The following GRIN2A variants were observed in gnomAD, a reference collection of about 807,000 sequenced individuals.
GRIN2A encodes the protein glutamate ionotropic receptor NMDA type subunit 2A.
GRIN2A carries 22 observed loss-of-function variants against 113.4 expected under a neutral mutation model. That is an observed-to-expected ratio of 0.19 (90% CI 0.14 to 0.28). GRIN2A has a LOEUF of 0.28. GRIN2A is among the 10% of genes least tolerant of loss of function. The pLI is 1.00. For synonymous variants in GRIN2A, 827 were observed against 738.4 expected (o/e 1.12, Z -1.94); for missense variants, 1,502 against 1,887.0 (o/e 0.80, Z 3.78).
chr16:10,118,891 T>A (rs2048778125), intron 2 of GRIN2A, among the ~76,000 whole-genome samples: 1 of 152,204 alleles, frequency 6.6e-6, no homozygotes, highest in South Asian at 2.1e-4. Flanking sequence ...AAGATCAGCA[T>A]AAACAAAGTC....
intron 2 of GRIN2A, among the ~76,000 whole-genome samples, chr16:9,997,680 T>A (rs1053844618): frequency 6.6e-6 from 1 of 152,196 alleles, no homozygotes; most frequent in Non-Finnish European, 1.5e-5. Context: ...AATTTCATCT[T>A]GAATCATAGC....
At chr16:9,922,717 G>A (rs977474917) in intron 3 of GRIN2A, among the ~76,000 whole-genome samples, 2 of 152,152 alleles carry the variant, frequency 1.3e-5, no homozygotes, top group African/African-American at 4.8e-5. Flanking sequence ...GACAACTTGA[G>A]TAAAGAGTCG....
intron 2 of GRIN2A, among the ~76,000 whole-genome samples, chr16:10,175,816 G>A (rs1197705754): frequency 6.6e-6 from 1 of 152,064 alleles, no homozygotes; most frequent in Non-Finnish European, 1.5e-5. Flanking sequence ...TGGGGGGTGA[G>A]AGGGTTAAGG....
At chr16:9,986,275 A>G (rs987104976) in intron 2 of GRIN2A, among the ~76,000 whole-genome samples, 1 of 152,214 alleles carries the variant, frequency 6.6e-6, no homozygotes, top group African/African-American at 2.4e-5. Flanking sequence ...AACTGAAATT[A>G]TGACGTTAGG....
At chr16:9,965,982 A>C (rs1159010049) in intron 2 of GRIN2A, among the ~76,000 whole-genome samples, 1 of 152,216 alleles carries the variant, frequency 6.6e-6, no homozygotes, top group Non-Finnish European at 1.5e-5. Flanking sequence ...TAGCTTATCA[A>C]AATAATCTTG....
intron 2 of GRIN2A, among the ~76,000 whole-genome samples, chr16:10,007,740 G>A (rs1342926228): frequency 6.6e-6 from 1 of 152,102 alleles, no homozygotes; most frequent in Non-Finnish European, 1.5e-5. Flanking sequence ...AAAAGCAAAT[G>A]GCCTTTGACA....
At chr16:10,181,187 GCACACACACGTGCACACACACACGCA>G (rs2050263821) in intron 1 of GRIN2A, among the ~76,000 whole-genome samples, 1 of 2,670 alleles carries the variant, frequency 3.7e-4, no homozygotes, top group Admixed American at 3.9e-3. Flanking sequence ...ACGCGCGCGT[GCACACACACGTGCACACACACACGCA>G]CACACACATG....
chr16:9,900,831 G>A (rs7201676), intron 3 of GRIN2A, among the ~76,000 whole-genome samples: 2 of 152,092 alleles, frequency 1.3e-5, no homozygotes, highest in Non-Finnish European at 2.9e-5. Context: ...GCTGGCACAA[G>A]AGCCAGTGGA....
chr16:9,826,805 A>C (rs1248853821), intron 9 of GRIN2A, among the ~76,000 whole-genome samples: 1 of 152,186 alleles, frequency 6.6e-6, no homozygotes, highest in African/African-American at 2.4e-5. Flanking sequence ...AAGTCAGTGA[A>C]GGTCAGTCAA....
chr16:9,870,560 G>C (rs540921036), intron 4 of GRIN2A, among the ~76,000 whole-genome samples: 53 of 151,838 alleles, frequency 3.5e-4, no homozygotes, highest in African/African-American at 1.3e-3. Flanking sequence ...GAGTCACATA[G>C]ATGTGAAAGA....
At chr16:9,886,188 A>G (rs1347764201) in intron 4 of GRIN2A, among the ~76,000 whole-genome samples, 1 of 152,240 alleles carries the variant, frequency 6.6e-6, no homozygotes, top group African/African-American at 2.4e-5. Context: ...GTGTAACATC[A>G]AAAGGTTGAA....
rs566393373 is a variant in GRIN2A, at chr16:10,068,349, C to G, written c.414+111649G>C. Among the ~76,000 whole-genome samples the G allele has an allele frequency of 3.9e-5, 6 of 152,306 alleles. No individual in the cohort carries two copies. The East Asian group carries it at 9.6e-4, about 24-fold the overall frequency. ...TTGGCTCACAGTTCTGCAGGCTTTA[C>G]AGGAAACATGGTACTGGCATCTGCC... is the stretch of plus-strand genomic sequence containing the variant. On this transcript the variant is annotated intron_variant, in intron 2 of 12. Coordinates refer to ENST00000330684, the MANE Select transcript of GRIN2A (RefSeq NM_001134407.3).
At chr16:10,128,458 C>A (rs948626394) in intron 2 of GRIN2A, among the ~76,000 whole-genome samples, 1 of 152,166 alleles carries the variant, frequency 6.6e-6, no homozygotes, top group East Asian at 1.9e-4. Flanking sequence ...GAAGTGTGAA[C>A]TGTAAAGAAG....
chr16:9,942,586 C>T (rs1178842671), intron 2 of GRIN2A, among the ~76,000 whole-genome samples: 1 of 152,172 alleles, frequency 6.6e-6, no homozygotes, highest in African/African-American at 2.4e-5. Context: ...ACAGACCACA[C>T]AGACATCGTC....
intron 5 of GRIN2A, among the ~76,000 whole-genome samples, chr16:9,845,412 T>G (rs2042754537): frequency 6.6e-6 from 1 of 152,184 alleles, no homozygotes; most frequent in African/African-American, 2.4e-5. Flanking sequence ...CTCAGTTGAT[T>G]GCCCTATTGA....
intron 2 of GRIN2A, among the ~76,000 whole-genome samples, chr16:10,033,216 G>A (rs916018207): frequency 7.9e-5 from 12 of 152,204 alleles, no homozygotes; most frequent in African/African-American, 2.7e-4. Flanking sequence ...AGTGAGCAGA[G>A]GTTACAGAGT....
rs569626528 is a variant in GRIN2A, at chr16:9,945,765, G to A, written c.415-7214C>T. ...AACTGAAGGAAGCAGCTTTATTTCT[G>A]GAATAAAAAGGAGTCTTTCAGGCTT... On this transcript the variant is annotated intron_variant, in intron 2 of 12. Transcript: ENST00000330684. Among the ~76,000 whole-genome samples the A allele has an allele frequency of 1.2e-4, 18 of 152,210 alleles. No homozygotes were observed. In the South Asian group the frequency reaches 3.7e-3, roughly 32 times the overall value.
In GRIN2A at chr16:10,180,868, C is replaced by G. The variant is rs2050255222; in HGVS notation, c.-18-439G>C. 1 of 210,020 alleles carries G rather than the reference C, an allele frequency of 4.8e-6. No individual in the cohort carries two copies. Among genetic ancestry groups the G allele is most frequent in the African/African-American group, 2.3e-5 (1 of 43,260 alleles). The allele number at this position is 210,020 out of a possible 1,614,324, so 13.0% of individuals were successfully genotyped here. On this transcript the variant is annotated intron_variant, in intron 1 of 12. Transcript: ENST00000330684. The surrounding 1 kb of genome is among the most constrained non-coding windows in gnomAD (Gnocchi z 7.0). ...GATAGAGAGGACCAAGTTATCAACCCCGCCCCCTGCTGGCGCGGAGCGAAC... is the reference window on the plus strand; with the variant it reads ...GATAGAGAGGACCAAGTTATCAACCGCGCCCCCTGCTGGCGCGGAGCGAAC...
At chr16:9,814,358 G>A (rs1160375255) in intron 10 of GRIN2A, among the ~76,000 whole-genome samples, 1 of 152,098 alleles carries the variant, frequency 6.6e-6, no homozygotes, top group Non-Finnish European at 1.5e-5. Context: ...ACATTGTTGA[G>A]CTTCACATTC....
Sources: allele counts gnomAD v4.1 joint callset (sites outside exome capture counted in the v4.1 genomes callset), GRCh38; gene constraint gnomAD v4.1.1; non-coding constraint Gnocchi (gnomAD v3.1); transcripts MANE v1.5; gene names NCBI Gene and HGNC (gene_info 2026-07-23, HGNC 2026-07-21).